The following NPAS3 variants were observed in gnomAD, a reference collection of about 807,000 sequenced individuals.
NPAS3 encodes the protein neuronal PAS domain protein 3.
Under a neutral mutation model 73.1 loss-of-function variants are expected in NPAS3, and 14 were observed. The observed-to-expected ratio is 0.19, with a 90% confidence interval of 0.13 to 0.30. NPAS3 has a LOEUF of 0.30. Among genes scored for constraint, NPAS3 ranks in the 10% least tolerant of loss-of-function variants. The probability of loss-of-function intolerance (pLI) is 1.00; values close to 1 mark genes in which losing one functional copy is unlikely to be tolerated. For synonymous variants in NPAS3, 620 were observed against 541.5 expected, an observed-to-expected ratio of 1.14 and a Z score of -2.01; for missense variants, 1,096 against 1,250.0, an observed-to-expected ratio of 0.88 and a Z score of 1.86.
At chr14:33,564,030 C>T (rs74809851) in intron 5 of NPAS3, among the ~76,000 whole-genome samples, 4 of 152,138 alleles carry the variant, frequency 2.6e-5, no homozygotes, top group Non-Finnish European at 5.9e-5. Flanking sequence ...TTATACTCTC[C>T]TCTTTCCACA....
chr14:33,271,158 T>C (rs74042013), intron 3 of NPAS3, among the ~76,000 whole-genome samples: 28,945 of 152,112 alleles, frequency 0.19, 3,452 homozygotes, highest in Admixed American at 0.39. Context: ...CTAAGGCTCA[T>C]AGATTGAATG....
chr14:33,052,282 T>A (rs2040737775), intron 1 of NPAS3, among the ~76,000 whole-genome samples: 1 of 152,126 alleles, frequency 6.6e-6, no homozygotes, highest in Non-Finnish European at 1.5e-5. Flanking sequence ...AGCAGTGCAA[T>A]CCTTAGGCTG....
chr14:33,247,470 G>C (rs2048433053), intron 3 of NPAS3, among the ~76,000 whole-genome samples: 1 of 152,116 alleles, frequency 6.6e-6, no homozygotes, highest in African/African-American at 2.4e-5. Context: ...TTTTGAAATA[G>C]AGACTGGTTG....
chr14:32,991,218 A>T (rs2038320956), intron 1 of NPAS3, among the ~76,000 whole-genome samples: 1 of 151,362 alleles, frequency 6.6e-6, no homozygotes, highest in South Asian at 2.1e-4. Flanking sequence ...TATGTTCTTG[A>T]TGGTTCCCCA....
intron 1 of NPAS3, among the ~76,000 whole-genome samples, chr14:32,948,992 T>A (rs1264399856): frequency 1.3e-5 from 2 of 152,110 alleles, no homozygotes; most frequent in Non-Finnish European, 2.9e-5. Context: ...CGTATTTTAC[T>A]TTTTACAGAA....
At chr14:33,114,584 G>A (rs778047159) in intron 2 of NPAS3, among the ~76,000 whole-genome samples, 9 of 152,218 alleles carry the variant, frequency 5.9e-5, no homozygotes, top group Middle Eastern at 3.4e-3. Context: ...AGAAATGCTA[G>A]CACATAAATG....
chr14:33,451,838 T>A (rs1388274057), intron 4 of NPAS3, among the ~76,000 whole-genome samples: 1 of 152,164 alleles, frequency 6.6e-6, no homozygotes, highest in Non-Finnish European at 1.5e-5. Context: ...AGCAAGATTC[T>A]TAAACTGTTG....
intron 3 of NPAS3, among the ~76,000 whole-genome samples, chr14:33,333,382 AT>A (rs376174031): frequency 7.9e-5 from 12 of 152,196 alleles, no homozygotes; most frequent in African/African-American, 2.9e-4. Flanking sequence ...TAAAGAGCTG[AT>A]TTTTATATAC....
At chr14:33,649,001 G>A (rs553255755) in intron 5 of NPAS3, among the ~76,000 whole-genome samples, 12 of 152,224 alleles carry the variant, frequency 7.9e-5, no homozygotes, top group South Asian at 4.1e-4. Context: ...GAAAGTACCC[G>A]TTTCCCAAGA....
At chr14:33,177,661 T>A (rs1287878074) in intron 2 of NPAS3, among the ~76,000 whole-genome samples, 1 of 151,376 alleles carries the variant, frequency 6.6e-6, no homozygotes, top group Non-Finnish European at 1.5e-5. Context: ...ATTGATCCAT[T>A]TTACATTCAA....
At chr14:33,756,558 T>C (rs2062121619) in intron 7 of NPAS3, among the ~76,000 whole-genome samples, 1 of 152,200 alleles carries the variant, frequency 6.6e-6, no homozygotes, top group Non-Finnish European at 1.5e-5. Flanking sequence ...ATTTTAGCTG[T>C]GTAATCATAA....
intron 2 of NPAS3, among the ~76,000 whole-genome samples, chr14:33,089,651 C>T (rs2042156048): frequency 6.6e-6 from 1 of 152,056 alleles, no homozygotes; most frequent in Admixed American, 6.6e-5. Flanking sequence ...CAGAGAACAC[C>T]ACAAAGATAC....
intron 2 of NPAS3, among the ~76,000 whole-genome samples, chr14:33,197,467 G>C (rs1035710620): frequency 1.3e-5 from 2 of 151,888 alleles, no homozygotes; most frequent in African/African-American, 4.8e-5. Context: ...CACCTAAGCT[G>C]TAAGCTTCCA....
rs2043760299 is a variant in NPAS3, at chr14:33,327,439, C to T, written c.386-39747C>T. On this transcript the variant is annotated intron_variant, in intron 3 of 11. Coordinates refer to ENST00000356141, the Ensembl canonical transcript of NPAS3. Reference sequence around the variant, plus strand: ...AATACAAATTACTTAAATACAAATTCTGATGCTAGGTTAGATGTTGTGAAG... The same window carrying T: ...AATACAAATTACTTAAATACAAATTTTGATGCTAGGTTAGATGTTGTGAAG... Among the ~76,000 whole-genome samples the T allele has an allele frequency of 2.0e-5, 3 of 152,194 alleles. No homozygotes were observed. The South Asian group carries it at 6.2e-4, about 31-fold the overall frequency.
intron 4 of NPAS3, among the ~76,000 whole-genome samples, chr14:33,446,166 C>CTTTTTTTTTTT (rs71118544): frequency 1.4e-4 from 17 of 120,010 alleles, no homozygotes; most frequent in African/African-American, 4.8e-4. Flanking sequence ...TTCATGCTTT[C>CTTTTTTTTTTT]TTTTTTTTTT....
intron 3 of NPAS3, among the ~76,000 whole-genome samples, chr14:33,286,663 G>T (rs1324279505): frequency 1.3e-5 from 2 of 151,672 alleles, no homozygotes; most frequent in Non-Finnish European, 2.9e-5. Context: ...GGCTTTTCTT[G>T]GCACTTTTTT....
intron 6 of NPAS3, among the ~76,000 whole-genome samples, chr14:33,689,531 G>A (rs960451161): frequency 6.6e-6 from 1 of 152,096 alleles, no homozygotes; most frequent in African/African-American, 2.4e-5. Context: ...CAGTGCTCCA[G>A]TTACCTCACT....
At chr14:33,710,786 C>A (rs2060796940) in intron 6 of NPAS3, among the ~76,000 whole-genome samples, 1 of 152,184 alleles carries the variant, frequency 6.6e-6, no homozygotes, top group South Asian at 2.1e-4. Context: ...CATAATGCAG[C>A]CACAGAAATT....
At chr14:33,642,199 A>G (rs1035534863) in intron 5 of NPAS3, among the ~76,000 whole-genome samples, 1 of 152,248 alleles carries the variant, frequency 6.6e-6, no homozygotes, top group Admixed American at 6.5e-5. Flanking sequence ...TTCTTTTCAC[A>G]TCATCCTTTT....
Sources: gnomAD v4.1 joint callset for allele counts (sites outside exome capture counted in the v4.1 genomes callset) on GRCh38, gnomAD v4.1.1 for gene constraint, MANE v1.5 for transcripts, NCBI Gene and HGNC (gene_info 2026-07-23, HGNC 2026-07-21) for gene names.